Variants in CRELD2 observed in about 807,000 individuals in gnomAD.
CRELD2 encodes the protein protein disulfide isomerase CRELD2.
CRELD2 carries 33 observed loss-of-function variants against 48.1 expected under a neutral mutation model. That is an observed-to-expected ratio of 0.69 (90% CI 0.52 to 0.92). The LOEUF (loss-of-function observed/expected upper bound fraction) is 0.92. Among genes scored for constraint, CRELD2 ranks in the 40% least tolerant of loss-of-function variants. CRELD2 has a pLI of 0.00. For missense variants in CRELD2, 477 were observed against 482.4 expected (o/e 0.99, Z 0.10); for synonymous variants, 220 against 203.9 (o/e 1.08, Z -0.67).
At position 49,921,768 on chromosome 22, in the gene CRELD2, G is replaced by A; in HGVS notation, c.592+7G>A. The stretch of plus-strand genomic sequence containing the variant: ...ACCCACAGCATCTGCACAGGTACGG[G>A]CTACGCCTGGGCTGGCCCCGGGGTT... On this transcript the variant is annotated splice_region_variant and intron_variant, in intron 5 of 9. Transcript: ENST00000328268. The A allele has an allele frequency of 6.2e-7, 1 of 1,602,976 alleles. No homozygotes were observed.
intron 7 of CRELD2, chr22:49,923,574 C>T (rs1043772012): frequency 8.5e-6 from 5 of 590,008 alleles, no homozygotes; most frequent in Non-Finnish European, 1.5e-5. Context: ...TCGTGCCCCC[C>T]CAGCGCCCCC....
At chr22:49,924,085 T>G (rs1601846985) in intron 7 of CRELD2, 1 of 303,324 alleles carries the variant, frequency 3.3e-6, no homozygotes, top group Non-Finnish European at 6.2e-6. Flanking sequence ...GAGCTGGAGG[T>G]GGGTTTGTTT....
intron 4 of CRELD2, 95 bp from the exon 5 acceptor site, chr22:49,921,490 G>A (rs938671863): frequency 5.4e-6 from 7 of 1,301,746 alleles, no homozygotes; most frequent in Middle Eastern, 2.0e-4. Flanking sequence ...CCTCAGAATC[G>A]TACAGGGTTT....
At chr22:49,920,282 G>T in intron 4 of CRELD2, 35 bp downstream of exon 4, 2 of 1,375,054 alleles carry the variant, frequency 1.5e-6, no homozygotes, top group Non-Finnish European at 2.1e-6. Context: ...CATCTCCTAC[G>T]TCACTTCCCC....
At position 49,923,206 on chromosome 22, in the gene CRELD2, C is replaced by T. The variant is rs746266254; in HGVS notation, c.689-28C>T. ...GCTCCCTGGCCGGGCTGTCCTGGGCCGCTCACAGCTGTGCCGCTCTGTTCC... is the reference window on the plus strand; with the variant it reads ...GCTCCCTGGCCGGGCTGTCCTGGGCTGCTCACAGCTGTGCCGCTCTGTTCC... On this transcript the variant is annotated intron_variant, in intron 6 of 9. Transcript: ENST00000328268. The T allele has an allele frequency of 1.5e-5, 23 of 1,531,118 alleles. No homozygotes were observed. In the Middle Eastern group the frequency reaches 1.1e-3, roughly 74 times the overall value. The allele number at this position is 1,531,118 out of a possible 1,614,324, so 94.8% of individuals were successfully genotyped here. A position where few individuals can be genotyped will look rare whatever the true frequency, so the allele number is the denominator to read the frequency against.
intron 4 of CRELD2, among the ~76,000 whole-genome samples, chr22:49,921,063 T>TCCACACG (rs75850292): frequency 0.12 from 18,608 of 152,030 alleles, 1,149 homozygotes; most frequent in South Asian, 0.15. Flanking sequence ...CAGCGTGCAC[T>TCCACACG]CCACACGCCA....
At chr22:49,926,234 A>G (rs1006577973) in intron 9 of CRELD2, 1 of 152,392 alleles carries the variant, frequency 6.6e-6, no homozygotes, top group African/African-American at 2.4e-5. Context: ...TAACCTGGCC[A>G]GTGGTAAAGA....
intron 3 of CRELD2, 81 bp downstream of exon 3, chr22:49,919,921 C>T (rs1287145453): frequency 4.4e-6 from 5 of 1,147,856 alleles, no homozygotes; most frequent in African/African-American, 1.6e-5. Context: ...TAGAAAGGTA[C>T]AGGAACAGTA....
intron 1 of CRELD2, 91 bp downstream of exon 1, chr22:49,918,989 C>T (rs2060645172): frequency 2.6e-6 from 3 of 1,145,554 alleles, no homozygotes; most frequent in South Asian, 3.4e-5. Context: ...CCCAGGGTCG[C>T]CCTCACCCTG....
intron 1 of CRELD2, 103 bp from the exon 2 acceptor site, chr22:49,919,127 C>T: frequency 2.4e-6 from 3 of 1,235,976 alleles, no homozygotes; most frequent in South Asian, 1.3e-5. Flanking sequence ...CCAGGGTCGA[C>T]GCCACCGTGG....
In CRELD2 at chr22:49,918,811, T is replaced by G. The variant is rs562220912; in HGVS notation, c.42T>G (p.Leu14=). ...GGGCCGCGCTGGGGCTCCTGCCGCT[T>G]CTGCTGCTGCTGCCGCCCGCGCCGG... The part of the protein sequence containing the change: ...PRRAALGLLP[L]LLLLPPAPEA... The change falls in exon 1 of 10, where the codon CTT becomes CTG. Residue 14 remains leucine (L), a synonymous_variant. Transcript: ENST00000328268. 1.8e-4 allele frequency: 233 copies of G among 1,330,910 alleles called. No homozygotes were observed. In the African/African-American group the frequency reaches 2.8e-3, roughly 16 times the overall value. 82.4% of individuals were successfully genotyped at this position (1,330,910 alleles called of 1,614,324 possible).
At position 49,923,309 on chromosome 22, in the gene CRELD2, C is replaced by T. The variant is rs150525447; in HGVS notation, c.764C>T (p.Thr255Met). Reference sequence around the variant, plus strand: ...TGTAAGAACGCCAACGGCTCCTACACGTGCGAAGGTGGGCCAGGCGGGCGG... The same window carrying T: ...TGTAAGAACGCCAACGGCTCCTACATGTGCGAAGGTGGGCCAGGCGGGCGG... ...QFCKNANGSY[T>M]CEECDSSCVG... The change falls in exon 7 of 10, where the codon ACG becomes ATG. Residue 255 changes from threonine to methionine, a missense_variant. By Grantham distance (81) the Thr-to-Met change is moderately conservative. Transcript: ENST00000328268. 228 of 1,612,036 alleles carry T rather than the reference C, an allele frequency of 1.4e-4. 1 individual carries two copies. The East Asian group carries it at 1.6e-3, about 12-fold the overall frequency.
Position 49,918,679 on chromosome 22 carries a change from C to A in CRELD2, c.-91C>A. The A allele has an allele frequency of 2.3e-6, 1 of 428,038 alleles. No homozygotes were observed. Among genetic ancestry groups the A allele is most frequent in the Non-Finnish European group, 3.8e-6 (1 of 263,382 alleles). 26.5% of individuals were successfully genotyped at this position (428,038 alleles called of 1,614,324 possible). ...AAGTAGCCTGGGGGACAGGCCGGCG[C>A]GGCTGGGAGCGGGTGGGCGGCCGGG... On this transcript the variant is annotated 5_prime_UTR_variant, in exon 1 of 10. Transcript: ENST00000328268.
At chr22:49,925,145 AAG>A in intron 8 of CRELD2, 2 of 276,276 alleles carry the variant, frequency 7.2e-6, no homozygotes, top group South Asian at 1.2e-4. Context: ...AAAAAAAAAA[AAG>A]GAAAAGAAAG....
rs573259488 is a variant in CRELD2 at position 49,923,234 on chromosome 22, A to ATGTGGACGAGTG, written c.692_703dup (p.Val231_Cys234dup). The ATGTGGACGAGTG allele has an allele frequency of 1.0e-3, 1,646 of 1,574,712 alleles. 5 individuals carry two copies. Among genetic ancestry groups the ATGTGGACGAGTG allele is most frequent in the South Asian group, 5.0e-3 (416 of 83,234 alleles). On this transcript the variant is annotated inframe_insertion and splice_region_variant, in exon 7 of 10. Coordinates refer to ENST00000328268, the MANE Select transcript of CRELD2 (RefSeq NM_024324.5). The stretch of plus-strand genomic sequence containing the variant: ...TCACAGCTGTGCCGCTCTGTTCCAG[A>ATGTGGACGAGTG]TGTGGACGAGTGTGCGGCCGAGCCG...
At position 49,921,730 on chromosome 22, in the gene CRELD2, G is replaced by T. The variant is rs772158950; in HGVS notation, c.561G>T (p.Ser187=). 6.2e-7 allele frequency: 1 copy of T among 1,612,306 alleles called. No individual in the cohort carries two copies. Among genetic ancestry groups the T allele is most frequent in the East Asian group, 2.2e-5 (1 of 44,880 alleles). The change falls in exon 5 of 10, where the codon TCG becomes TCT. Residue 187 remains serine (S), a synonymous_variant. Transcript: ENST00000328268. ...CTDCMDGYFS[S]LRNETHSICT... ...ACTGCATGGACGGCTACTTCAGCTCGCTCCGGAACGAGACCCACAGCATCT... is the reference window on the plus strand; with the variant it reads ...ACTGCATGGACGGCTACTTCAGCTCTCTCCGGAACGAGACCCACAGCATCT...
intron 5 of CRELD2, 102 bp from the exon 6 acceptor site, chr22:49,922,510 G>A (rs189692296): frequency 1.7e-5 from 26 of 1,491,544 alleles, no homozygotes; most frequent in African/African-American, 4.2e-5. Flanking sequence ...TGAAAATCCC[G>A]TGTTGCTTTT....
rs768558790 is a variant in CRELD2 at position 49,921,669 on chromosome 22, G to T, written c.500G>T (p.Arg167Leu). The stretch of plus-strand genomic sequence containing the variant: ...AGCAGACAGGGCGACGGGTCCTGCC[G>T]GTGCCACATGGGGTACCAGGGCCCG... The part of the protein sequence containing the change: ...DGSRQGDGSC[R>L]CHMGYQGPLC... Residue 167 changes from arginine (R) to leucine (L), a missense_variant, in exon 5 of 10, where the codon CGG becomes CTG. By Grantham distance (102) the Arg-to-Leu change is moderately radical (BLOSUM62 -2). Coordinates refer to ENST00000328268, the MANE Select transcript of CRELD2 (RefSeq NM_024324.5). The T allele has an allele frequency of 2.5e-6, 4 of 1,612,766 alleles. No homozygotes were observed. Among genetic ancestry groups the T allele is most frequent in the Non-Finnish European group, 2.5e-6 (3 of 1,179,980 alleles).
Position 49,921,655 on chromosome 22 carries a change from C to T in CRELD2, c.486C>T (p.Gly162=), listed in dbSNP as rs143858142. Residue 162 remains glycine, a synonymous_variant, in exon 5 of 10, where the codon GGC becomes GGT. Transcript: ENST00000328268. The stretch of plus-strand genomic sequence containing the variant: ...GCAGCGGAGATGGGAGCAGACAGGG[C>T]GACGGGTCCTGCCGGTGCCACATGG... The part of the protein sequence containing the change: ...GHCSGDGSRQ[G]DGSCRCHMGY... 1.9e-3 allele frequency: 3,042 copies of T among 1,612,716 alleles called. 60 individuals are homozygous for T. In the African/African-American group the frequency reaches 0.035, roughly 19 times the overall value.
Sources: allele counts gnomAD v4.1 joint callset (sites outside exome capture counted in the v4.1 genomes callset), GRCh38; gene constraint gnomAD v4.1.1; transcripts MANE v1.5; gene names NCBI Gene and HGNC (gene_info 2026-07-23, HGNC 2026-07-21).